The following SCO2 variants were observed in gnomAD, a reference collection of about 807,000 sequenced individuals.
The protein encoded by SCO2 is cytochrome c oxidase assembly factor SCO2.
For synonymous variants in SCO2, 195 were observed against 148.6 expected (o/e 1.31, Z -2.27); for missense variants, 429 against 348.7 (o/e 1.23, Z -1.83).
intron 1 of SCO2, 80 bp downstream of exon 1, chr22:50,525,392 T>G (rs1404192633): frequency 3.3e-6 from 1 of 302,222 alleles, no homozygotes; most frequent in East Asian, 1.0e-4. Context: ...CCCCGCGCAG[T>G]AGCCGGAGCT....
Position 50,523,796 on chromosome 22 carries a change from G to A in SCO2, c.616C>T (p.Arg206Cys), listed in dbSNP as rs748770403. The change falls in exon 2 of 2, where the codon CGC (arginine) becomes TGC (cysteine). Residue 206 changes from arginine to cysteine, a missense_variant. Coordinates refer to ENST00000395693, the MANE Select transcript of SCO2 (RefSeq NM_005138.3). ...KQVAQASHSY[R>C]VYYNAGPKDE... ...TTGGGGCCTGCATTGTAGTACACGC[G>A]GTAACTGTGACTAGCCTGGGCAACC... The A allele has an allele frequency of 1.6e-5, 26 of 1,614,034 alleles. No homozygotes were observed. The highest frequency in any genetic ancestry group is 2.7e-5 in the African/African-American group (2 of 74,922).
Sources: allele counts gnomAD v4.1 joint callset, GRCh38; gene constraint gnomAD v4.1.1; transcripts MANE v1.5; gene names NCBI Gene and HGNC (gene_info 2026-07-23, HGNC 2026-07-21).